Variants in MARCHF1 observed in about 807,000 individuals in gnomAD.
MARCHF1 encodes membrane associated ring-CH-type finger 1.
MARCHF1 carries 40 observed loss-of-function variants against 54.2 expected under a neutral mutation model. The observed-to-expected ratio is 0.74, with a 90% CI of 0.57 to 0.96. The LOEUF is 0.96. MARCHF1 is among the 40% of genes least tolerant of loss of function. The pLI, the probability that MARCHF1 is intolerant of heterozygous loss-of-function variation, is 0.00. For synonymous variants in MARCHF1, 236 were observed against 236.3 expected (o/e 1.00, Z 0.01); for missense variants, 586 against 656.5 (o/e 0.89, Z 1.17).
chr4:164,100,094 T>A (rs1225605613), intron 2 of MARCHF1, among the ~76,000 whole-genome samples: 1 of 152,204 alleles, frequency 6.6e-6, no homozygotes, highest in Non-Finnish European at 1.5e-5. Context: ...ATTTTTACAC[T>A]TATTCATTCA....
intron 1 of MARCHF1, among the ~76,000 whole-genome samples, chr4:164,193,295 T>A (rs549900371): frequency 6.6e-6 from 1 of 152,110 alleles, no homozygotes; most frequent in East Asian, 2.0e-4. Context: ...AGAAAAAGCA[T>A]GACTATTCTT....
In MARCHF1 at chr4:163,733,209, A is replaced by ATATATATACACATGTG. The variant is rs1561046954; in HGVS notation, c.112-32347_112-32346insCACATGTGTATATATA. The stretch of plus-strand genomic sequence containing the variant: ...TATATATATATATATATATATATAT[A>ATATATATACACATGTG]TATATATATATACACGTGTATATAT... On this transcript the variant is annotated intron_variant, in intron 4 of 9. Transcript: ENST00000514618. 2.2e-3 allele frequency among the ~76,000 whole-genome samples: 77 copies of ATATATATACACATGTG among 35,742 alleles called. 2 individuals carry two copies. The East Asian group carries it at 0.032, about 15-fold the overall frequency. 23.4% of individuals were successfully genotyped at this position (35,742 alleles called of 152,430 possible).
intron 1 of MARCHF1, among the ~76,000 whole-genome samples, chr4:164,175,653 G>T (rs1247248217): frequency 1.1e-4 from 16 of 152,134 alleles, no homozygotes. Context: ...CTAATCGATT[G>T]AAGGCCTTAG....
rs183195291 is a variant in MARCHF1 at position 164,271,116 on chromosome 4, T to C, written c.-323+112754A>G. On this transcript the variant is annotated intron_variant, in intron 1 of 9. Transcript: ENST00000514618. ...TCAGTAAGTAAATAGATGGACAATG[T>C]AATGAAAGATGCTAGGCAAATAATG... 8.7e-3 allele frequency among the ~76,000 whole-genome samples: 1,319 copies of C among 152,262 alleles called. 8 individuals are homozygous for C. The highest frequency in any genetic ancestry group is 0.037 in the Middle Eastern group (11 of 294).
intron 5 of MARCHF1, among the ~76,000 whole-genome samples, chr4:163,635,156 A>G (rs1210763502): frequency 2.8e-5 from 2 of 71,342 alleles, no homozygotes; most frequent in East Asian, 5.6e-4. Flanking sequence ...GAAAGATCCA[A>G]AATTGACACC....
intron 5 of MARCHF1, among the ~76,000 whole-genome samples, chr4:163,646,995 T>C (rs188046037): frequency 1.8e-4 from 28 of 152,196 alleles, no homozygotes; most frequent in African/African-American, 5.8e-4. Context: ...TAAGACCCTA[T>C]TCTGTGCTGC....
chr4:163,761,458 G>C (rs2110826159), intron 4 of MARCHF1, among the ~76,000 whole-genome samples: 1 of 152,300 alleles, frequency 6.6e-6, no homozygotes, highest in South Asian at 2.1e-4. Context: ...TAGAAGCTGA[G>C]GTCCATTGTC....
At chr4:163,941,351 GA>G (rs1751908235) in intron 3 of MARCHF1, among the ~76,000 whole-genome samples, 1 of 152,012 alleles carries the variant, frequency 6.6e-6, no homozygotes, top group African/African-American at 2.4e-5. Context: ...TTAAAGAGAA[GA>G]AAAGAACATT....
intron 4 of MARCHF1, among the ~76,000 whole-genome samples, chr4:163,789,528 T>A (rs1747713442): frequency 6.6e-6 from 1 of 151,946 alleles, no homozygotes; most frequent in Non-Finnish European, 1.5e-5. Context: ...AATAAAAATT[T>A]TAATAAAGAC....
At chr4:164,275,707 A>C (rs1012837252) in intron 1 of MARCHF1, among the ~76,000 whole-genome samples, 4 of 152,220 alleles carry the variant, frequency 2.6e-5, no homozygotes, top group African/African-American at 9.6e-5. Flanking sequence ...TCTTTGGTGG[A>C]GCGAGATGAA....
chr4:163,767,294 A>G (rs554239740), intron 4 of MARCHF1, among the ~76,000 whole-genome samples: 3 of 151,864 alleles, frequency 2.0e-5, no homozygotes, highest in Admixed American at 2.0e-4. Flanking sequence ...CTAGTTATCA[A>G]CAGAGAACAC....
intron 2 of MARCHF1, among the ~76,000 whole-genome samples, chr4:164,081,207 CAA>C (rs60753810): frequency 3.3e-4 from 6 of 18,398 alleles, no homozygotes; most frequent in African/African-American, 5.5e-4. Flanking sequence ...GACGCTGTCT[CAA>C]AAAAAAAAAA....
intron 1 of MARCHF1, among the ~76,000 whole-genome samples, chr4:164,211,331 G>GTATGTA (rs1553992061): frequency 4.3e-5 from 5 of 115,982 alleles, no homozygotes; most frequent in South Asian, 5.7e-4. Flanking sequence ...ATGTATGTAT[G>GTATGTA]TATATATATA....
intron 3 of MARCHF1, among the ~76,000 whole-genome samples, chr4:163,977,084 G>C (rs6536769): frequency 0.64 from 97,024 of 151,668 alleles, 31,193 homozygotes; most frequent in East Asian, 0.89. Flanking sequence ...ACAGTGCTAA[G>C]TCAACACATA....
At chr4:163,786,531 T>C (rs908207904) in intron 4 of MARCHF1, among the ~76,000 whole-genome samples, 2 of 152,004 alleles carry the variant, frequency 1.3e-5, no homozygotes, top group African/African-American at 4.8e-5. Flanking sequence ...TAAGACATTA[T>C]AGTAAATATA....
chr4:164,203,315 GAGAGAGAGAT>G (rs1256158880), intron 1 of MARCHF1, among the ~76,000 whole-genome samples: 3 of 152,142 alleles, frequency 2.0e-5, no homozygotes, highest in African/African-American at 7.2e-5. Flanking sequence ...AGGAGAAAGA[GAGAGAGAGAT>G]AGAGAGAGGG....
rs1691295436 is a variant in MARCHF1 at position 163,529,038 on chromosome 4, C to G, written c.1348G>C (p.Glu450Gln). The change falls in exon 10 of 10, where the codon GAA (glutamate) becomes CAA (glutamine). Residue 450 changes from glutamate to glutamine, a missense_variant. Coordinates refer to ENST00000514618, the MANE Select transcript of MARCHF1 (RefSeq NM_001394959.1). ...ACCAGTTTTGTCCAAAATGGCCATTCAAGGACACCTTTGAAATGAAAAAGA... is the reference window on the plus strand; with the variant it reads ...ACCAGTTTTGTCCAAAATGGCCATTGAAGGACACCTTTGAAATGAAAAAGA... Reference protein sequence around the residue: ...IKQGNDNGVLEWPFWTKLVVV... With the variant: ...IKQGNDNGVLQWPFWTKLVVV... The G allele has an allele frequency of 6.2e-7, 1 of 1,603,452 alleles. No homozygotes were observed. Among genetic ancestry groups the G allele is most frequent in the African/African-American group, 1.3e-5 (1 of 74,526 alleles).
At chr4:164,362,422 G>A (rs1028046175) in intron 1 of MARCHF1, among the ~76,000 whole-genome samples, 2 of 151,990 alleles carry the variant, frequency 1.3e-5, no homozygotes, top group Non-Finnish European at 1.5e-5. Context: ...GAGTCCAGGG[G>A]GTACATGATT....
At chr4:163,579,326 A>G (rs187295240) in intron 8 of MARCHF1, among the ~76,000 whole-genome samples, 1 of 152,360 alleles carries the variant, frequency 6.6e-6, no homozygotes, top group East Asian at 1.9e-4. Flanking sequence ...AAATAAAACA[A>G]ATAAAAACAA....
Sources: gnomAD v4.1 joint callset for allele counts (sites outside exome capture counted in the v4.1 genomes callset) on GRCh38, gnomAD v4.1.1 for gene constraint, MANE v1.5 for transcripts, NCBI Gene and HGNC (gene_info 2026-07-23, HGNC 2026-07-21) for gene names.